The following CSMD1 variants were observed in gnomAD, a reference collection of about 807,000 sequenced individuals.
CSMD1 encodes CUB and sushi domain-containing protein 1.
In CSMD1, 213 loss-of-function variants were observed where a neutral mutation model predicts 417.5. That is an observed-to-expected ratio of 0.51 (90% confidence interval 0.46 to 0.57). CSMD1 has a LOEUF of 0.57. CSMD1 is among the 20% of genes least tolerant of loss of function. The pLI is 0.00. For missense variants in CSMD1, 6,923 were observed against 4,529.7 expected (o/e 1.53, Z -15.17); for synonymous variants, 2,862 against 1,736.8 (o/e 1.65, Z -16.11).
intron 2 of CSMD1, among the ~76,000 whole-genome samples, chr8:4,478,291 G>T (rs1309445411): frequency 6.6e-6 from 1 of 152,136 alleles, no homozygotes; most frequent in Non-Finnish European, 1.5e-5. Flanking sequence ...ATAGTAAAAA[G>T]CAACTCAAAG....
At chr8:3,862,744 TTA>T (rs1804802468) in intron 5 of CSMD1, among the ~76,000 whole-genome samples, 1 of 152,176 alleles carries the variant, frequency 6.6e-6, no homozygotes, top group Non-Finnish European at 1.5e-5. Context: ...GGAGAAATGA[TTA>T]TGTTTGTTTT....
At position 3,007,219 on chromosome 8, in the gene CSMD1, A is replaced by C. The variant is rs535934057; in HGVS notation, c.8030-7088T>G. ...CAGAGAAATGCAAATCAAAACCACA[A>C]TGAGATACCATCTCACACCAGTTAG... On this transcript the variant is annotated intron_variant, in intron 52 of 69. Transcript: ENST00000635120. Among the ~76,000 whole-genome samples, 24 of 150,534 alleles carry C rather than the reference A, an allele frequency of 1.6e-4. No individual in the cohort carries two copies. The South Asian group carries it at 4.8e-3, about 30-fold the overall frequency.
At chr8:4,655,575 C>G (rs1585401271) in intron 1 of CSMD1, among the ~76,000 whole-genome samples, 1 of 152,130 alleles carries the variant, frequency 6.6e-6, no homozygotes, top group African/African-American at 2.4e-5. Context: ...AGTTGAATTA[C>G]TTATTTTTCA....
At chr8:3,534,594 T>C (rs1236468480) in intron 10 of CSMD1, among the ~76,000 whole-genome samples, 1 of 152,156 alleles carries the variant, frequency 6.6e-6, no homozygotes. Context: ...ATCTAAAAGT[T>C]GTGTTTCCTA....
rs988914984 is a variant in CSMD1 at position 3,649,446 on chromosome 8, G to C, written c.1010-32649C>G. Among the ~76,000 whole-genome samples the C allele has an allele frequency of 5.3e-5, 8 of 152,238 alleles. No homozygotes were observed. The South Asian group carries it at 1.7e-3, about 32-fold the overall frequency. On this transcript the variant is annotated intron_variant, in intron 7 of 69. Coordinates refer to ENST00000635120, the MANE Select transcript of CSMD1 (RefSeq NM_033225.6). ...CCTGAGACTGGGTAATTTATCAAGA[G>C]GCTGAATTGACTCACAGTTCATCAT...
intron 49 of CSMD1, among the ~76,000 whole-genome samples, chr8:3,054,551 G>C (rs1479565853): frequency 1.3e-5 from 2 of 152,244 alleles, no homozygotes; most frequent in African/African-American, 4.8e-5. Flanking sequence ...CCAGGAGACA[G>C]AGGTTGCAGT....
intron 52 of CSMD1, among the ~76,000 whole-genome samples, chr8:3,007,912 A>C (rs990818429): frequency 2.6e-5 from 4 of 152,180 alleles, no homozygotes; most frequent in Non-Finnish European, 5.9e-5. Context: ...CCTAAAACTT[A>C]AAGTATAATA....
chr8:3,243,447 A>G (rs1302519994), intron 26 of CSMD1, among the ~76,000 whole-genome samples: 2 of 143,572 alleles, frequency 1.4e-5, no homozygotes, highest in East Asian at 2.3e-4. Context: ...TTGAGTAGGT[A>G]AAGGAAAATT....
At chr8:4,378,656 G>A (rs1158323670) in intron 3 of CSMD1, among the ~76,000 whole-genome samples, 1 of 152,166 alleles carries the variant, frequency 6.6e-6, no homozygotes, top group Non-Finnish European at 1.5e-5. Context: ...AGCAGCTGCT[G>A]GTTTAATCAT....
intron 42 of CSMD1, among the ~76,000 whole-genome samples, chr8:3,115,034 T>C (rs192201254): frequency 4.3e-4 from 66 of 152,308 alleles, no homozygotes; most frequent in African/African-American, 1.4e-3. Context: ...AAATTATATT[T>C]TTATGCATAA....
chr8:3,844,299 A>G (rs1319674279), intron 5 of CSMD1, among the ~76,000 whole-genome samples: 1 of 152,202 alleles, frequency 6.6e-6, no homozygotes, highest in Non-Finnish European at 1.5e-5. Context: ...AGGAAAATTA[A>G]TAACAGCATT....
At chr8:3,298,232 G>C (rs1233279619) in intron 25 of CSMD1, among the ~76,000 whole-genome samples, 2 of 152,144 alleles carry the variant, frequency 1.3e-5, no homozygotes, top group South Asian at 2.1e-4. Context: ...CCTGGCCTCA[G>C]TGTATACCCA....
chr8:4,335,021 C>T (rs1488608144), intron 3 of CSMD1, among the ~76,000 whole-genome samples: 1 of 152,076 alleles, frequency 6.6e-6, no homozygotes, highest in Non-Finnish European at 1.5e-5. Flanking sequence ...CTTGTTTTAG[C>T]CTCCTTAGTA....
In CSMD1 at chr8:3,576,911, T is replaced by C. The variant is rs559519438; in HGVS notation, c.1223-1845A>G. On this transcript the variant is annotated intron_variant, in intron 9 of 69. Transcript: ENST00000635120. ...TTGCATTTTCCTACTTTTTAACACT[T>C]CATAATTAACAGCTGTTATAAACAT... is the stretch of plus-strand genomic sequence containing the variant. Among the ~76,000 whole-genome samples the C allele has an allele frequency of 1.3e-3, 196 of 152,380 alleles. 1 individual carries two copies. The highest frequency in any genetic ancestry group is 4.4e-3 in the African/African-American group (184 of 41,580).
intron 1 of CSMD1, among the ~76,000 whole-genome samples, chr8:4,882,660 G>T (rs531069594): frequency 1.3e-5 from 2 of 151,800 alleles, no homozygotes; most frequent in African/African-American, 4.8e-5. Flanking sequence ...CAACGTTGTA[G>T]ACTCTTCAAA....
intron 3 of CSMD1, among the ~76,000 whole-genome samples, chr8:4,173,994 G>T: frequency 6.6e-6 from 1 of 152,160 alleles, no homozygotes. Context: ...AAGGATATGT[G>T]ACCATGCCTG....
At chr8:3,911,717 C>A (rs780709423) in intron 5 of CSMD1, among the ~76,000 whole-genome samples, 17 of 152,074 alleles carry the variant, frequency 1.1e-4, no homozygotes, top group Non-Finnish European at 1.8e-4. Flanking sequence ...TATCAAACTC[C>A]AGAACTTCCT....
At chr8:3,087,001 T>A (rs538629655) in intron 49 of CSMD1, 96 bp downstream of exon 49, 1 of 1,142,586 alleles carries the variant, frequency 8.8e-7, no homozygotes, top group African/African-American at 1.5e-5. Flanking sequence ...TTCCTTACCT[T>A]TTATTCTTAG....
intron 69 of CSMD1, among the ~76,000 whole-genome samples, chr8:2,939,445 T>A (rs191139900): frequency 2.0e-5 from 3 of 152,322 alleles, no homozygotes; most frequent in East Asian, 1.9e-4. Context: ...CATTTTCTGG[T>A]TAAAAGAAAA....
Sources: allele counts gnomAD v4.1 joint callset (sites outside exome capture counted in the v4.1 genomes callset), GRCh38; gene constraint gnomAD v4.1.1; transcripts MANE v1.5; gene names NCBI Gene and HGNC (gene_info 2026-07-23, HGNC 2026-07-21).